The following MYH16 variants were observed in gnomAD, a reference collection of about 807,000 sequenced individuals.
The protein encoded by MYH16 is putative uncharacterized protein MYH16.
At chr7:99,297,399 C>T (rs1218390166) in intron 34 of MYH16, among the ~76,000 whole-genome samples, 1 of 152,118 alleles carries the variant, frequency 6.6e-6, no homozygotes, top group Non-Finnish European at 1.5e-5. Context: ...TGCCACTGTA[C>T]TCCAGCCTGG....
At chr7:99,246,948 T>G (rs951782366) in intron 2 of MYH16, among the ~76,000 whole-genome samples, 1 of 152,186 alleles carries the variant, frequency 6.6e-6, no homozygotes, top group Non-Finnish European at 1.5e-5. Flanking sequence ...CCTCGATTTA[T>G]GATCAAACCC....
chr7:99,289,044 G>A (rs997877733), intron 29 of MYH16, among the ~76,000 whole-genome samples: 1 of 151,816 alleles, frequency 6.6e-6, no homozygotes, highest in Admixed American at 6.6e-5. Context: ...AGCCCAGGAT[G>A]TCGAGGCTAC....
Position 99,284,330 on chromosome 7 carries a change from C to G in MYH16, n.3225+312C>G, listed in dbSNP as rs144783972. 5.3e-3 allele frequency among the ~76,000 whole-genome samples: 802 copies of G among 152,304 alleles called. 9 individuals are homozygous for G. Among genetic ancestry groups the G allele is most frequent in the African/African-American group, 0.018 (766 of 41,568 alleles). ...ACCATGTTGGGTACAGTGGCTCACACCTGTAATCCCAGCACTTTGGGATGC... is the reference window on the plus strand; with the variant it reads ...ACCATGTTGGGTACAGTGGCTCACAGCTGTAATCCCAGCACTTTGGGATGC... On this transcript the variant is annotated intron_variant and non_coding_transcript_variant, in intron 25 of 41. Transcript: ENST00000439784.
At chr7:99,291,346 G>A (rs1017368789) in exon 31 of MYH16, 1 of 456,676 alleles carries the variant, frequency 2.2e-6, no homozygotes, top group Non-Finnish European at 4.4e-6. Context: ...ACTGAGCAGG[G>A]AATATGAAGA....
At chr7:99,291,272 C>A in intron 30 of MYH16, 51 bp from the exon 12 acceptor site, 1 of 448,046 alleles carries the variant, frequency 2.2e-6, no homozygotes, top group Non-Finnish European at 4.5e-6. Flanking sequence ...TTGGATCTGG[C>A]TGGGGAACCA....
chr7:99,255,394 G>A (rs1402517719), intron 8 of MYH16, among the ~76,000 whole-genome samples: 2 of 149,850 alleles, frequency 1.3e-5, no homozygotes, highest in African/African-American at 2.4e-5. Flanking sequence ...GCTGCAGTGA[G>A]CTATGATTGT....
In MYH16 at chr7:99,283,754, C is replaced by T. The variant is rs571597193; in HGVS notation, n.3079+103C>T. Reference sequence around the variant, plus strand: ...TTGAGAACTGGACCAACACATCCCCCGGGGCGTGAGGGCCCTTCTGATGCC... The same window carrying T: ...TTGAGAACTGGACCAACACATCCCCTGGGGCGTGAGGGCCCTTCTGATGCC... On this transcript the variant is annotated intron_variant and non_coding_transcript_variant, in intron 24 of 41. Transcript: ENST00000439784. 6.1e-4 allele frequency: 269 copies of T among 439,748 alleles called. 3 individuals carry two copies. The highest frequency in any genetic ancestry group is 4.0e-3 in the South Asian group (244 of 61,568). The allele number at this position is 439,748 out of a possible 1,614,324, so 27.2% of individuals were successfully genotyped here. A position where few individuals can be genotyped will look rare whatever the true frequency, so the allele number is the denominator to read the frequency against.
intron 32 of MYH16, 141 bp downstream of exon 13, chr7:99,292,649 T>C (rs541425543): frequency 5.4e-6 from 2 of 371,368 alleles, no homozygotes; most frequent in Non-Finnish European, 1.1e-5. Flanking sequence ...AGGAGGACAA[T>C]GTGTCTGGAC....
rs1032282746 is a variant in MYH16 at position 99,306,321 on chromosome 7, G to C, written n.5635+285G>C. On this transcript the variant is annotated intron_variant and non_coding_transcript_variant, in intron 41 of 41. Coordinates refer to ENST00000439784, the Ensembl canonical transcript of MYH16. ...AGGTAGGTGGATCACCTGAGGTCAG[G>C]AGTTTGAGACCAGCCTGGCCAACAT... Among the ~76,000 whole-genome samples the C allele has an allele frequency of 5.9e-5, 9 of 152,064 alleles. No individual in the cohort carries two copies. In the East Asian group the frequency reaches 1.3e-3, roughly 23 times the overall value.
chr7:99,293,933 C>A, intron 32 of MYH16, 85 bp from the exon 14 acceptor site: 10 of 370,916 alleles, frequency 2.7e-5, no homozygotes, highest in South Asian at 2.0e-4. Context: ...GTACCATGCC[C>A]ACCACACTCT....
At chr7:99,276,383 A>G (rs1792112459) in intron 20 of MYH16, among the ~76,000 whole-genome samples, 1 of 152,236 alleles carries the variant, frequency 6.6e-6, no homozygotes, top group African/African-American at 2.4e-5. Flanking sequence ...TCTATGGTAT[A>G]ATGTTTCTGT....
chr7:99,255,087 G>A (rs1056399161), intron 8 of MYH16, among the ~76,000 whole-genome samples: 2 of 152,054 alleles, frequency 1.3e-5, no homozygotes, highest in Admixed American at 6.6e-5. Flanking sequence ...TGGCCAACAT[G>A]GCGAAACCCC....
chr7:99,266,643 C>A (rs1000075314), intron 17 of MYH16, among the ~76,000 whole-genome samples: 1 of 152,316 alleles, frequency 6.6e-6, no homozygotes, highest in South Asian at 2.1e-4. Context: ...CCCTGTACCC[C>A]CAACCCACAC....
chr7:99,261,891 T>G (rs1247099480), intron 13 of MYH16: 2 of 152,234 alleles, frequency 1.3e-5, no homozygotes, highest in Non-Finnish European at 2.9e-5. Flanking sequence ...CCATCAGACC[T>G]GTCTGGGCCC....
chr7:99,239,251 G>A (rs1791633837), intron 1 of MYH16, among the ~76,000 whole-genome samples: 1 of 152,218 alleles, frequency 6.6e-6, no homozygotes, highest in Non-Finnish European at 1.5e-5. Context: ...GAGATTCCGA[G>A]ACAGATCACA....
intron 16 of MYH16, chr7:99,265,431 C>T (rs1791976848): frequency 6.6e-6 from 1 of 152,544 alleles, no homozygotes; most frequent in Non-Finnish European, 1.5e-5. Flanking sequence ...TGGTGGGGGA[C>T]CTGGGGCCTC....
chr7:99,289,301 C>G (rs545571229), exon 30 of MYH16: 1 of 433,420 alleles, frequency 2.3e-6, no homozygotes, highest in East Asian at 7.9e-5. Context: ...ACGCCGAGGC[C>G]CACGTCAGAA....
chr7:99,257,131 T>A (rs1044565655), intron 9 of MYH16, among the ~76,000 whole-genome samples: 1 of 152,124 alleles, frequency 6.6e-6, no homozygotes, highest in Non-Finnish European at 1.5e-5. Context: ...TTGCAGAACA[T>A]CTGATCTGGG....
intron 30 of MYH16, chr7:99,290,877 A>G (rs66556278): frequency 0.11 from 17,070 of 152,180 alleles, 1,433 homozygotes; most frequent in African/African-American, 0.24. Context: ...AGTGACTTAC[A>G]GGGTAGAACT....
Sources: gnomAD v4.1 joint callset for allele counts (sites outside exome capture counted in the v4.1 genomes callset) on GRCh38, gnomAD v4.1.1 for gene constraint, MANE v1.5 for transcripts, NCBI Gene and HGNC (gene_info 2026-07-23, HGNC 2026-07-21) for gene names.